The following ATXN1 variants were observed in gnomAD, a reference collection of about 807,000 sequenced individuals.
The protein encoded by ATXN1 is ataxin-1.
Under a neutral mutation model 56.4 loss-of-function variants are expected in ATXN1, and 8 were observed. The ratio of observed to expected loss-of-function variants is 0.14; its 90% CI spans 0.08 to 0.26. The LOEUF (loss-of-function observed/expected upper bound fraction) is 0.26, where lower values mean the gene tolerates loss of function less well. ATXN1 is among the 10% of genes least tolerant of loss of function. The pLI is 1.00. For synonymous variants in ATXN1, 514 were observed against 494.6 expected (o/e 1.04, Z -0.52); for missense variants, 987 against 1,106.5 (o/e 0.89, Z 1.53).
intron 6 of ATXN1, among the ~76,000 whole-genome samples, chr6:16,377,461 G>A (rs1025467756): frequency 6.6e-6 from 1 of 152,140 alleles, no homozygotes; most frequent in African/African-American, 2.4e-5. Flanking sequence ...CCTTCCCATT[G>A]CTGTGCACCT....
chr6:16,760,193 A>G lies in ATXN1; in HGVS notation c.-730+1105T>C, dbSNP rs1332307670. Among the ~76,000 whole-genome samples the G allele has an allele frequency of 2.6e-5, 4 of 151,676 alleles. No individual in the cohort carries two copies. Among genetic ancestry groups the G allele is most frequent in the Non-Finnish European group, 5.9e-5 (4 of 67,894 alleles). ...CCGGCCCGGCCCAGAGTGAACGAGC[A>G]GTGGGGCTCCAGGGCGCATCCCAAT... On this transcript the variant is annotated intron_variant, in intron 1 of 7. Coordinates refer to ENST00000436367, the MANE Select transcript of ATXN1 (RefSeq NM_001128164.2). This position sits in a 1 kb window ranked among gnomAD's most constrained non-coding sequence, Gnocchi z 5.3.
intron 6 of ATXN1, among the ~76,000 whole-genome samples, chr6:16,374,707 T>C (rs1271847246): frequency 6.6e-6 from 1 of 152,202 alleles, no homozygotes; most frequent in East Asian, 1.9e-4. Context: ...CTCCCACCTC[T>C]GTCTGATATA....
intron 3 of ATXN1, among the ~76,000 whole-genome samples, chr6:16,614,271 T>A (rs1042161982): frequency 1.3e-5 from 2 of 151,450 alleles, no homozygotes; most frequent in African/African-American, 4.9e-5. Context: ...CTTCTGGAAA[T>A]CCCCGCTTGA....
chr6:16,431,931 C>T (rs1406490427), intron 6 of ATXN1, among the ~76,000 whole-genome samples: 1 of 152,118 alleles, frequency 6.6e-6, no homozygotes. Context: ...GATGAGAGAT[C>T]GCGGGGGAGC....
chr6:16,559,997 G>A (rs1041575588), intron 4 of ATXN1, among the ~76,000 whole-genome samples: 11 of 152,030 alleles, frequency 7.2e-5, no homozygotes, highest in Admixed American at 2.0e-4. Flanking sequence ...CACAGGAGAC[G>A]GGACCACCTC....
chr6:16,693,717 G>A (rs1759097693), intron 2 of ATXN1, among the ~76,000 whole-genome samples: 2 of 151,994 alleles, frequency 1.3e-5, no homozygotes, highest in Non-Finnish European at 2.9e-5. Flanking sequence ...GTACCTTCAG[G>A]GAAAGATTAA....
At chr6:16,367,501 T>TAC (rs987282630) in intron 6 of ATXN1, among the ~76,000 whole-genome samples, 1 of 152,172 alleles carries the variant, frequency 6.6e-6, no homozygotes, top group Non-Finnish European at 1.5e-5. Context: ...GTCTGATTTG[T>TAC]ACACACCCAG....
chr6:16,326,702 C>T lies in ATXN1; in HGVS notation c.1609G>A (p.Ala537Thr), dbSNP rs767284664. ...LPKSENFNPE[A>T]LVTQAAYPAM... ...GGGTAGGCGGCCTGGGTGACCAGGG[C>T]CTCAGGGTTGAAGTTCTCGCTCTTG... The change falls in exon 7 of 8, where the codon GCC becomes ACC. Residue 537 changes from alanine (A) to threonine (T), a missense_variant. Transcript: ENST00000436367. The surrounding 1 kb of genome is among the most constrained non-coding windows in gnomAD (Gnocchi z 6.6). The T allele has an allele frequency of 6.2e-7, 1 of 1,613,336 alleles. No homozygotes were observed. Among genetic ancestry groups the T allele is most frequent in the Non-Finnish European group, 8.5e-7 (1 of 1,180,008 alleles).
At chr6:16,386,898 C>A (rs1758253319) in intron 6 of ATXN1, among the ~76,000 whole-genome samples, 1 of 152,108 alleles carries the variant, frequency 6.6e-6, no homozygotes, top group East Asian at 1.9e-4. Context: ...TCTCAAACTC[C>A]TGGGCTCAAG....
At chr6:16,574,539 T>A (rs554326408) in intron 4 of ATXN1, among the ~76,000 whole-genome samples, 1 of 152,324 alleles carries the variant, frequency 6.6e-6, no homozygotes, top group Non-Finnish European at 1.5e-5. Context: ...GAGATGGGGT[T>A]TCACCATGTT....
chr6:16,304,226 A>AAGTC lies in ATXN1; in HGVS notation c.*2099_*2102dup, dbSNP rs557964964. On this transcript the variant is annotated 3_prime_UTR_variant, in exon 8 of 8. Coordinates refer to ENST00000436367, the MANE Select transcript of ATXN1 (RefSeq NM_001128164.2). ...TACTATTTTCAATGGGGTAAAAGAAAAGTCAGGTATTTGTTCAGTTTAGTT... is the reference window on the plus strand; with the variant it reads ...TACTATTTTCAATGGGGTAAAAGAAAAGTCAGTCAGGTATTTGTTCAGTTTAGTT... The AAGTC allele has an allele frequency of 1.2e-4, 19 of 152,698 alleles. No individual in the cohort carries two copies. Among genetic ancestry groups the AAGTC allele is most frequent in the Non-Finnish European group, 2.8e-4 (19 of 68,018 alleles). 9.5% of individuals were successfully genotyped at this position (152,698 alleles called of 1,614,324 possible). A position where few individuals can be genotyped will look rare whatever the true frequency, so the allele number is the denominator to read the frequency against.
chr6:16,433,619 T>C (rs915492461), intron 6 of ATXN1, among the ~76,000 whole-genome samples: 4 of 152,244 alleles, frequency 2.6e-5, no homozygotes, highest in Non-Finnish European at 2.9e-5. Flanking sequence ...ATTGTCTTGA[T>C]GGAATTCAGC....
At chr6:16,543,769 T>C (rs1398478268) in intron 4 of ATXN1, among the ~76,000 whole-genome samples, 1 of 151,986 alleles carries the variant, frequency 6.6e-6, no homozygotes, top group Non-Finnish European at 1.5e-5. Context: ...ACTTAAAAAT[T>C]AACTCTAACC....
rs557414967 is a variant in ATXN1 at position 16,513,232 on chromosome 6, G to A, written c.-299+9395C>T. On this transcript the variant is annotated intron_variant, in intron 5 of 7. Transcript: ENST00000436367. ...TGTCCTTTCAAACAATATACAACAGGGCAGAGATCACTGTTTGTGCTAATG... is the reference window on the plus strand; with the variant it reads ...TGTCCTTTCAAACAATATACAACAGAGCAGAGATCACTGTTTGTGCTAATG... 3.9e-5 allele frequency among the ~76,000 whole-genome samples: 6 copies of A among 152,242 alleles called. No individual in the cohort carries two copies. In the South Asian group the frequency reaches 1.2e-3, roughly 32 times the overall value.
At chr6:16,729,075 A>G (rs901719577) in intron 2 of ATXN1, among the ~76,000 whole-genome samples, 1 of 152,238 alleles carries the variant, frequency 6.6e-6, no homozygotes, top group Non-Finnish European at 1.5e-5. Context: ...GTCTTCCTAC[A>G]GAATGATGAC....
At chr6:16,560,466 T>C (rs912058700) in intron 4 of ATXN1, among the ~76,000 whole-genome samples, 3 of 152,024 alleles carry the variant, frequency 2.0e-5, no homozygotes, top group African/African-American at 7.2e-5. Flanking sequence ...TAAAATGTCC[T>C]GACAAAGACT....
chr6:16,359,229 G>A (rs759254051), intron 6 of ATXN1, among the ~76,000 whole-genome samples: 6 of 152,184 alleles, frequency 3.9e-5, no homozygotes, highest in South Asian at 2.1e-4. Flanking sequence ...ACCTTCAGGC[G>A]AGGGAGGGCC....
intron 6 of ATXN1, among the ~76,000 whole-genome samples, chr6:16,425,248 T>C (rs1196870486): frequency 1.3e-5 from 2 of 152,230 alleles, no homozygotes; most frequent in Admixed American, 6.5e-5. Flanking sequence ...TGGGAAAAAG[T>C]AGACCCTACT....
At chr6:16,490,766 C>T (rs980665170) in intron 5 of ATXN1, among the ~76,000 whole-genome samples, 2 of 152,198 alleles carry the variant, frequency 1.3e-5, no homozygotes, top group Non-Finnish European at 2.9e-5. Context: ...GGAAGATGGA[C>T]ATATGACCCA....
Sources: allele counts gnomAD v4.1 joint callset (sites outside exome capture counted in the v4.1 genomes callset), GRCh38; gene constraint gnomAD v4.1.1; non-coding constraint Gnocchi (gnomAD v3.1); transcripts MANE v1.5; gene names NCBI Gene and HGNC (gene_info 2026-07-23, HGNC 2026-07-21).